ASB5: variants seen among roughly 807,000 people sequenced by gnomAD.
ASB5 encodes the protein ankyrin repeat and SOCS box containing 5, also known as ankyrin repeat and SOCS box protein 5.
A neutral mutation model predicts 42.1 loss-of-function variants in ASB5; 45 were observed. The ratio of observed to expected loss-of-function variants is 1.07; its 90% CI spans 0.84 to 1.37. The LOEUF is 1.37. Among genes scored for constraint, ASB5 ranks in the 40% most tolerant of loss-of-function variants. The pLI, the probability that ASB5 is intolerant of heterozygous loss-of-function variation, is 0.00. For missense variants in ASB5, 402 were observed against 399.8 expected (o/e 1.01, Z -0.05); for synonymous variants, 147 against 150.6 (o/e 0.98, Z 0.18).
chr4:176,276,231 C>G (rs1240381937), intron 1 of ASB5, among the ~76,000 whole-genome samples: 1 of 152,154 alleles, frequency 6.6e-6, no homozygotes, highest in African/African-American at 2.4e-5. Context: ...AAGAGCTCAA[C>G]AAATATTAGC....
intron 1 of ASB5, among the ~76,000 whole-genome samples, chr4:176,243,432 A>C (rs1202841366): frequency 6.6e-6 from 1 of 152,150 alleles, no homozygotes; most frequent in East Asian, 1.9e-4. Flanking sequence ...TGTGAATAAG[A>C]ATTATTACAG....
At chr4:176,248,346 TC>T (rs1449448680) in intron 1 of ASB5, among the ~76,000 whole-genome samples, 1 of 152,130 alleles carries the variant, frequency 6.6e-6, no homozygotes, top group Non-Finnish European at 1.5e-5. Context: ...CAAGCTGGTC[TC>T]CTGAGCTCAA....
intron 6 of ASB5, 126 bp from the exon 7 acceptor site, chr4:176,215,853 A>C (rs1752953360): frequency 2.6e-6 from 2 of 771,294 alleles, no homozygotes; most frequent in Non-Finnish European, 3.8e-6. Flanking sequence ...CATGACCACT[A>C]TACTAGGGAA....
upstream of ASB5, among the ~76,000 whole-genome samples, chr4:176,273,285 T>A (rs927531401): frequency 6.6e-6 from 1 of 152,180 alleles, no homozygotes; most frequent in Non-Finnish European, 1.5e-5. Context: ...ATTATTTGTA[T>A]ACAGTGAATA....
At chr4:176,237,681 C>T (rs1579322213) in intron 1 of ASB5, 2 of 685,604 alleles carry the variant, frequency 2.9e-6, no homozygotes, top group Non-Finnish European at 3.6e-6. Flanking sequence ...ATGCTGCAGC[C>T]GGAAGTCTTT....
intron 1 of ASB5, among the ~76,000 whole-genome samples, chr4:176,248,508 A>G (rs1753955314): frequency 1.3e-5 from 2 of 152,150 alleles, no homozygotes; most frequent in Non-Finnish European, 2.9e-5. Context: ...ACATTGGAAA[A>G]CAGGGCAATA....
intron 1 of ASB5, among the ~76,000 whole-genome samples, chr4:176,254,693 A>G (rs1229129997): frequency 2.0e-5 from 3 of 152,232 alleles, no homozygotes; most frequent in African/African-American, 7.2e-5. Flanking sequence ...TAAGGAACTT[A>G]ATTCAACAAG....
Position 176,222,361 on chromosome 4 carries a change from A to T in ASB5, c.336T>A (p.Leu112=), listed in dbSNP as rs1753239581. The T allele has an allele frequency of 6.2e-7, 1 of 1,613,932 alleles. No individual in the cohort carries two copies. The highest frequency in any genetic ancestry group is 1.3e-5 in the African/African-American group (1 of 74,930). The stretch of plus-strand genomic sequence containing the variant: ...TTCTGGCACATGCCACGTGATCTCC[A>T]AGGCAGGCTTCGTGCAATGGGGTGA... The part of the protein sequence containing the change: ...DHVTPLHEAC[L]GDHVACARTL... The change falls in exon 3 of 7, where the codon CTT becomes CTA. Residue 112 remains leucine, a synonymous_variant. Transcript: ENST00000296525.
chr4:176,255,510 C>T (rs1250494151), intron 1 of ASB5, among the ~76,000 whole-genome samples: 1 of 152,218 alleles, frequency 6.6e-6, no homozygotes, highest in East Asian at 1.9e-4. Flanking sequence ...TATATACACA[C>T]CATGGAATAC....
chr4:176,224,669 G>C (rs953552651), intron 2 of ASB5, among the ~76,000 whole-genome samples: 4 of 151,596 alleles, frequency 2.6e-5, no homozygotes, highest in African/African-American at 9.7e-5. Flanking sequence ...CATTGTGCCA[G>C]CCTAGCTGTG....
In ASB5 at chr4:176,214,143, T is replaced by C. The variant is rs1176718340; in HGVS notation, c.*1457A>G. ...CTCAACAAACGTTTTAAATCACAAC[T>C]GATTTTTTTTCTTTCTGCCAAAATG... On this transcript the variant is annotated 3_prime_UTR_variant, in exon 7 of 7. Transcript: ENST00000296525. 6.6e-6 allele frequency: 1 copy of C among 152,154 alleles called. No individual in the cohort carries two copies. The highest frequency in any genetic ancestry group is 2.4e-5 in the African/African-American group (1 of 41,448). The allele number at this position is 152,154 out of a possible 1,614,324, so 9.4% of individuals were successfully genotyped here.
upstream of ASB5, among the ~76,000 whole-genome samples, chr4:176,271,209 A>G (rs999573322): frequency 6.6e-6 from 1 of 152,196 alleles, no homozygotes; most frequent in Admixed American, 6.5e-5. Flanking sequence ...ACTCTCCCTC[A>G]GCAAATTTCA....
chr4:176,233,990 A>C (rs947156177), intron 1 of ASB5, among the ~76,000 whole-genome samples: 4 of 152,152 alleles, frequency 2.6e-5, no homozygotes, highest in African/African-American at 9.7e-5. Flanking sequence ...CACCAGGCGC[A>C]CACCAGGAAG....
chr4:176,262,378 G>A (rs1754281357), intron 1 of ASB5, among the ~76,000 whole-genome samples: 1 of 152,176 alleles, frequency 6.6e-6, no homozygotes, highest in African/African-American at 2.4e-5. Context: ...AGATATATGA[G>A]TCAGAAATAA....
intron 1 of ASB5, among the ~76,000 whole-genome samples, chr4:176,228,381 T>C (rs1212286447): frequency 4.6e-5 from 7 of 152,348 alleles, no homozygotes; most frequent in South Asian, 4.1e-4. Context: ...CCTGAAATGA[T>C]AGAACTCCCA....
chr4:176,228,097 G>A (rs960907755), intron 1 of ASB5, among the ~76,000 whole-genome samples: 3 of 152,182 alleles, frequency 2.0e-5, no homozygotes, highest in African/African-American at 7.2e-5. Flanking sequence ...GGCTAACTAT[G>A]ATTCGAAGTT....
At chr4:176,227,820 T>C (rs1182302722) in intron 1 of ASB5, among the ~76,000 whole-genome samples, 5 of 152,202 alleles carry the variant, frequency 3.3e-5, no homozygotes, top group Admixed American at 3.3e-4. Flanking sequence ...GCACAGAGTC[T>C]GTGAAACATT....
At chr4:176,254,268 G>A (rs983295444) in intron 1 of ASB5, among the ~76,000 whole-genome samples, 4 of 152,144 alleles carry the variant, frequency 2.6e-5, no homozygotes, top group East Asian at 3.9e-4. Flanking sequence ...GCAGACCTAC[G>A]GCCCTCTGAT....
At chr4:176,277,258 C>T (rs1754577912) in exon 1 of ASB5, 1 of 152,178 alleles carries the variant, frequency 6.6e-6, no homozygotes, top group South Asian at 2.1e-4. Context: ...CTTACTGCTC[C>T]GCGTCGCAAG....
Sources: gnomAD v4.1 joint callset for allele counts (sites outside exome capture counted in the v4.1 genomes callset) on GRCh38, gnomAD v4.1.1 for gene constraint, MANE v1.5 for transcripts, NCBI Gene and HGNC (gene_info 2026-07-23, HGNC 2026-07-21) for gene names.